Variants in CAGE1 observed in about 807,000 individuals in gnomAD.
CAGE1 encodes the protein cancer-associated gene 1 protein.
A neutral mutation model predicts 94.9 loss-of-function variants in CAGE1; 66 were observed. The observed-to-expected ratio is 0.70, with a 90% CI of 0.57 to 0.85. The LOEUF is 0.85. Among genes scored for constraint, CAGE1 ranks in the 40% least tolerant of loss-of-function variants. CAGE1 has a pLI of 0.00. For synonymous variants in CAGE1, 319 were observed against 321.0 expected (o/e 0.99, Z 0.07); for missense variants, 865 against 950.4 (o/e 0.91, Z 1.18).
chr6:7,388,665 T>C (rs1761222495), intron 1 of CAGE1, among the ~76,000 whole-genome samples: 2 of 152,254 alleles, frequency 1.3e-5, no homozygotes, highest in Non-Finnish European at 2.9e-5. Flanking sequence ...TGGATTCTTT[T>C]ATTGAATTTC....
rs192134829 is a variant in CAGE1, at chr6:7,340,788, G to C, written c.2370-6698C>G. On this transcript the variant is annotated intron_variant, in intron 11 of 13. Coordinates refer to ENST00000502583, the MANE Select transcript of CAGE1 (RefSeq NM_001170692.2). ...AGTGATGGGCTAGAGCTACTCGTTG[G>C]GAGGCAGACAGTCTACTCCCTCAAT... 3.3e-4 allele frequency: 120 copies of C among 363,736 alleles called. No homozygotes were observed. In the East Asian group the frequency reaches 8.1e-3, roughly 25 times the overall value. The allele number at this position is 363,736 out of a possible 1,614,324, so 22.5% of individuals were successfully genotyped here. A position where few individuals can be genotyped will look rare whatever the true frequency, so the allele number is the denominator to read the frequency against.
At chr6:7,387,619 CT>C in intron 1 of CAGE1, among the ~76,000 whole-genome samples, 1 of 152,196 alleles carries the variant, frequency 6.6e-6, no homozygotes, top group African/African-American at 2.4e-5. Flanking sequence ...TATACTGCGC[CT>C]ATTCCCTCAG....
At chr6:7,374,884 G>A (rs1400987853) in intron 4 of CAGE1, among the ~76,000 whole-genome samples, 1 of 151,954 alleles carries the variant, frequency 6.6e-6, no homozygotes, top group African/African-American at 2.4e-5. Flanking sequence ...ACAAAAATTA[G>A]CCAGGCATGG....
intron 11 of CAGE1, among the ~76,000 whole-genome samples, chr6:7,342,632 A>G (rs960825644): frequency 6.6e-6 from 1 of 152,208 alleles, no homozygotes; most frequent in African/African-American, 2.4e-5. Context: ...TGCTCAGGGA[A>G]CTGCTCTGCC....
At chr6:7,369,541 A>G (rs1333435163) in intron 6 of CAGE1, among the ~76,000 whole-genome samples, 3 of 152,096 alleles carry the variant, frequency 2.0e-5, no homozygotes, top group East Asian at 3.9e-4. Context: ...CTCCTAACCA[A>G]ACGTGGTATT....
intron 11 of CAGE1, among the ~76,000 whole-genome samples, chr6:7,344,615 G>A (rs970387108): frequency 3.9e-5 from 6 of 152,248 alleles, no homozygotes; most frequent in Non-Finnish European, 7.3e-5. Flanking sequence ...TACGGCCCGA[G>A]ACTGGAAAGC....
In CAGE1 at chr6:7,374,073, C is replaced by T; in HGVS notation, c.746G>A (p.Ser249Asn). The T allele has an allele frequency of 6.2e-7, 1 of 1,613,986 alleles. No individual in the cohort carries two copies. The highest frequency in any genetic ancestry group is 2.2e-5 in the East Asian group (1 of 44,880). The change falls in exon 5 of 14, where the codon AGT (serine) becomes AAT (asparagine). Residue 249 changes from serine to asparagine, a missense_variant. Physicochemically the swap from Ser to Asn is conservative, Grantham distance 46 (BLOSUM62 1). Transcript: ENST00000502583. Reference protein sequence around the residue: ...NYGEIPEMSVSYEKEVTAEGV... With the variant: ...NYGEIPEMSVNYEKEVTAEGV... ...CTCTGCTGTGACTTCCTTTTCATAA[C>T]TGACTGACATCTCAGGAATCTCCCC...
In CAGE1 at chr6:7,326,871, T is replaced by C; in HGVS notation, c.2507A>G (p.Asn836Ser). ...MMPALFKENR[N>S]DLD is the part of the protein sequence containing the mutation. ...CTTCAGGCTTGTTTAATCTAAATCATTTCTATTTTCTTTAAAAAGAGCTGG... is the reference window on the plus strand; with the variant it reads ...CTTCAGGCTTGTTTAATCTAAATCACTTCTATTTTCTTTAAAAAGAGCTGG... Residue 836 changes from asparagine to serine, a missense_variant, in exon 14 of 14, where the codon AAT becomes AGT. Transcript: ENST00000502583. 6.3e-7 allele frequency: 1 copy of C among 1,580,676 alleles called. No homozygotes were observed. The highest frequency in any genetic ancestry group is 8.7e-7 in the Non-Finnish European group (1 of 1,150,066).
chr6:7,368,846 C>G, intron 6 of CAGE1, 48 bp from the exon 7 acceptor site: 1 of 1,204,242 alleles, frequency 8.3e-7, no homozygotes, highest in Non-Finnish European at 1.2e-6. Flanking sequence ...TTTACTAAAG[C>G]TAAAATGAGG....
At chr6:7,356,886 T>A (rs1366069874) in intron 9 of CAGE1, among the ~76,000 whole-genome samples, 1 of 152,104 alleles carries the variant, frequency 6.6e-6, no homozygotes, top group Admixed American at 6.6e-5. Flanking sequence ...AACCTCTACC[T>A]CCCAGGTTCA....
chr6:7,383,875 T>C (rs1761023047), intron 3 of CAGE1, among the ~76,000 whole-genome samples: 1 of 152,174 alleles, frequency 6.6e-6, no homozygotes, highest in Non-Finnish European at 1.5e-5. Flanking sequence ...GGTACCTTAG[T>C]TTGTGCTGTT....
Position 7,339,312 on chromosome 6 carries a change from A to G in CAGE1, c.2370-5222T>C. The G allele has an allele frequency of 6.3e-7, 1 of 1,586,338 alleles. No individual in the cohort carries two copies. Among genetic ancestry groups the G allele is most frequent in the Non-Finnish European group, 8.7e-7 (1 of 1,155,348 alleles). The stretch of plus-strand genomic sequence containing the variant: ...CCTAGTGGCCACCTCTTCAGCATAA[A>G]GCTCTACACTGCCCTCTGGAGAGCC... On this transcript the variant is annotated intron_variant, in intron 11 of 13. Coordinates refer to ENST00000502583, the MANE Select transcript of CAGE1 (RefSeq NM_001170692.2). This position sits in a 1 kb window ranked among gnomAD's most constrained non-coding sequence, Gnocchi z 4.7.
At chr6:7,354,571 A>C (rs1759887048) in intron 11 of CAGE1, among the ~76,000 whole-genome samples, 1 of 152,204 alleles carries the variant, frequency 6.6e-6, no homozygotes, top group South Asian at 2.1e-4. Context: ...CATATTAGAA[A>C]CAAGTATAAT....
intron 10 of CAGE1, 35 bp from the exon 11 acceptor site, chr6:7,355,146 T>C: frequency 7.0e-7 from 1 of 1,438,464 alleles, no homozygotes; most frequent in African/African-American, 1.4e-5. Flanking sequence ...TTATTTTTCA[T>C]TCTAGAATTT....
intron 7 of CAGE1, among the ~76,000 whole-genome samples, chr6:7,366,716 G>A (rs549720276): frequency 6.6e-6 from 1 of 152,118 alleles, no homozygotes; most frequent in South Asian, 2.1e-4. Context: ...TTCTCTAGAC[G>A]ATGCCCCTGT....
rs778507820 is a variant in CAGE1, at chr6:7,326,920, G to A, written c.2479-21C>T. The stretch of plus-strand genomic sequence containing the variant: ...GGCATCTAAAAATGAAAGGAAAAAT[G>A]TTTCGTAAGTTTTGGGGAAAGACTA... On this transcript the variant is annotated intron_variant, in intron 13 of 13. Coordinates refer to ENST00000502583, the MANE Select transcript of CAGE1 (RefSeq NM_001170692.2). 165 of 1,569,480 alleles carry A rather than the reference G, an allele frequency of 1.1e-4. 1 individual carries two copies. The highest frequency in any genetic ancestry group is 1.2e-4 in the Non-Finnish European group (142 of 1,140,864).
chr6:7,345,165 G>A (rs1440855810), intron 11 of CAGE1, among the ~76,000 whole-genome samples: 17 of 149,376 alleles, frequency 1.1e-4, no homozygotes, highest in Non-Finnish European at 1.5e-5. Flanking sequence ...ATTGCTTTTA[G>A]GAGCTATGAC....
chr6:7,387,132 A>G lies in CAGE1; in HGVS notation c.42T>C (p.Asp14=). The G allele has an allele frequency of 2.6e-6, 4 of 1,551,496 alleles. No homozygotes were observed. Among genetic ancestry groups the G allele is most frequent in the Non-Finnish European group, 3.5e-6 (4 of 1,146,826 alleles). The change falls in exon 2 of 14, where the codon GAT becomes GAC. Residue 14 remains aspartate, a synonymous_variant. Transcript: ENST00000502583. ...DYQKFWSSPS[D]PVHFEVDTSH... Reference sequence around the variant, plus strand: ...AAGTATCCACTTCAAAATGTACAGGATCTGAAGGTGATGACCAAAATTTTT... The same window carrying G: ...AAGTATCCACTTCAAAATGTACAGGGTCTGAAGGTGATGACCAAAATTTTT...
At chr6:7,368,114 G>T (rs1009422858) in intron 7 of CAGE1, among the ~76,000 whole-genome samples, 2 of 151,866 alleles carry the variant, frequency 1.3e-5, no homozygotes, top group Non-Finnish European at 2.9e-5. Flanking sequence ...TTAGCTGGAC[G>T]TGGCAGCACA....
Sources: allele counts gnomAD v4.1 joint callset (sites outside exome capture counted in the v4.1 genomes callset), GRCh38; gene constraint gnomAD v4.1.1; non-coding constraint Gnocchi (gnomAD v3.1); transcripts MANE v1.5; gene names NCBI Gene and HGNC (gene_info 2026-07-23, HGNC 2026-07-21).